ADGRB3: variants seen among roughly 807,000 people sequenced by gnomAD.
The protein encoded by ADGRB3 is brain-specific angiogenesis inhibitor 3.
A neutral mutation model predicts 193.4 loss-of-function variants in ADGRB3; 37 were observed. The observed-to-expected ratio is 0.19, with a 90% CI of 0.15 to 0.25. The LOEUF (loss-of-function observed/expected upper bound fraction) is 0.25, where lower values mean the gene tolerates loss of function less well. ADGRB3 is among the 10% of genes least tolerant of loss of function. ADGRB3 has a pLI of 1.00. For synonymous variants in ADGRB3, 690 were observed against 644.2 expected (o/e 1.07, Z -1.08); for missense variants, 1,637 against 1,852.9 (o/e 0.88, Z 2.14).
chr6:68,640,485 C>CTGCTGATA (rs1187681956), intron 3 of ADGRB3, among the ~76,000 whole-genome samples: 1 of 152,236 alleles, frequency 6.6e-6, no homozygotes, highest in Non-Finnish European at 1.5e-5. Flanking sequence ...TTTAAGGACA[C>CTGCTGATA]TGCTGATACA....
intron 3 of ADGRB3, among the ~76,000 whole-genome samples, chr6:68,923,998 G>T (rs536679539): frequency 6.6e-6 from 1 of 152,100 alleles, no homozygotes; most frequent in African/African-American, 2.4e-5. Context: ...TTTGCCACTG[G>T]TATGCTAATG....
At chr6:69,376,366 G>A (rs1769821592) in intron 30 of ADGRB3, among the ~76,000 whole-genome samples, 1 of 151,816 alleles carries the variant, frequency 6.6e-6, no homozygotes, top group South Asian at 2.1e-4. Context: ...CCAAAATGCT[G>A]GGATTATAGG....
intron 20 of ADGRB3, among the ~76,000 whole-genome samples, chr6:69,288,801 ATC>A (rs887990521): frequency 2.9e-4 from 44 of 152,154 alleles, no homozygotes; most frequent in African/African-American, 1.0e-3. Context: ...TAACAGTGGA[ATC>A]TCTCTGTGTG....
intron 17 of ADGRB3, among the ~76,000 whole-genome samples, chr6:69,161,691 A>T (rs1001998602): frequency 5.3e-5 from 8 of 152,058 alleles, no homozygotes; most frequent in Non-Finnish European, 1.0e-4. Context: ...TCAGCTAGGG[A>T]TATGGTCTCA....
chr6:68,723,977 A>G (rs1765629386), intron 3 of ADGRB3, among the ~76,000 whole-genome samples: 1 of 151,704 alleles, frequency 6.6e-6, no homozygotes, highest in African/African-American at 2.4e-5. Flanking sequence ...AACCTTCCAC[A>G]TCAAAGAAAT....
chr6:69,341,643 C>T (rs1467044485), intron 26 of ADGRB3, among the ~76,000 whole-genome samples: 1 of 151,992 alleles, frequency 6.6e-6, no homozygotes, highest in Non-Finnish European at 1.5e-5. Context: ...TATTTATAGA[C>T]CAAAGGAGTA....
chr6:69,083,279 T>C (rs1772441107), intron 17 of ADGRB3, among the ~76,000 whole-genome samples: 1 of 152,254 alleles, frequency 6.6e-6, no homozygotes, highest in Admixed American at 6.5e-5. Flanking sequence ...AGCAATTTGA[T>C]ATTTCTTTTT....
chr6:69,103,823 A>G (rs948144226), intron 17 of ADGRB3, among the ~76,000 whole-genome samples: 21 of 151,148 alleles, frequency 1.4e-4, no homozygotes, highest in Non-Finnish European at 2.5e-4. Flanking sequence ...ATATTAAGAT[A>G]GAAGCATTTC....
intron 3 of ADGRB3, among the ~76,000 whole-genome samples, chr6:68,865,686 T>C (rs1049927794): frequency 6.6e-6 from 1 of 152,096 alleles, no homozygotes; most frequent in Non-Finnish European, 1.5e-5. Flanking sequence ...TTCTCAAAAT[T>C]CTCATGGCCA....
At chr6:69,218,746 G>A (rs1265757401) in intron 17 of ADGRB3, among the ~76,000 whole-genome samples, 1 of 152,142 alleles carries the variant, frequency 6.6e-6, no homozygotes, top group Non-Finnish European at 1.5e-5. Flanking sequence ...GAGAATGAAA[G>A]TTGTAGTCAG....
chr6:69,069,523 GAGGGTGAAACC>G (rs2150310384), intron 16 of ADGRB3, among the ~76,000 whole-genome samples: 1 of 124,144 alleles, frequency 8.1e-6, no homozygotes, highest in Admixed American at 9.8e-5. Context: ...GCCTGGCCAA[GAGGGTGAAACC>G]CCGTCTCTAC....
At chr6:69,243,983 A>T (rs1451935462) in intron 20 of ADGRB3, among the ~76,000 whole-genome samples, 1 of 152,100 alleles carries the variant, frequency 6.6e-6, no homozygotes, top group Non-Finnish European at 1.5e-5. Flanking sequence ...TATTAGCTTG[A>T]GTCTTAATTG....
chr6:68,867,995 G>A (rs1284539287), intron 3 of ADGRB3, among the ~76,000 whole-genome samples: 2 of 152,120 alleles, frequency 1.3e-5, no homozygotes, highest in Non-Finnish European at 2.9e-5. Flanking sequence ...GGACTTTTGG[G>A]TTAATGCTAG....
chr6:69,275,897 G>T (rs1289936814), intron 20 of ADGRB3, among the ~76,000 whole-genome samples: 1 of 152,096 alleles, frequency 6.6e-6, no homozygotes, highest in Non-Finnish European at 1.5e-5. Context: ...GAATCCATCA[G>T]ATATTTGTTT....
chr6:68,994,602 G>C (rs934387974), intron 11 of ADGRB3, among the ~76,000 whole-genome samples: 5 of 152,120 alleles, frequency 3.3e-5, no homozygotes, highest in African/African-American at 1.2e-4. Context: ...TTAAAACAAA[G>C]CTTATTGAAT....
At chr6:68,987,686 C>T (rs1769119033) in intron 10 of ADGRB3, among the ~76,000 whole-genome samples, 5 of 152,096 alleles carry the variant, frequency 3.3e-5, no homozygotes. Flanking sequence ...AGGAGCTATG[C>T]AATCCTGGAG....
chr6:69,363,285 G>A (rs1769491188), intron 29 of ADGRB3, among the ~76,000 whole-genome samples: 1 of 151,978 alleles, frequency 6.6e-6, no homozygotes, highest in South Asian at 2.1e-4. Context: ...TTGGAATTCA[G>A]AATGAAAATT....
At chr6:68,657,866 G>A (rs561625890) in intron 3 of ADGRB3, among the ~76,000 whole-genome samples, 4 of 151,124 alleles carry the variant, frequency 2.6e-5, no homozygotes. Context: ...AACACAACTG[G>A]CATTGCACAA....
chr6:68,760,298 TA>T (rs1300686833), intron 3 of ADGRB3, among the ~76,000 whole-genome samples: 2 of 152,154 alleles, frequency 1.3e-5, no homozygotes, highest in Non-Finnish European at 2.9e-5. Context: ...ATTTCTCCCC[TA>T]GGGGTGGTTG....
Sources: gnomAD v4.1 joint callset for allele counts (sites outside exome capture counted in the v4.1 genomes callset) on GRCh38, gnomAD v4.1.1 for gene constraint, MANE v1.5 for transcripts, NCBI Gene and HGNC (gene_info 2026-07-23, HGNC 2026-07-21) for gene names.